Variants in OPHN1 observed in about 807,000 individuals in gnomAD.
OPHN1 encodes the protein oligophrenin-1.
A neutral mutation model predicts 60.7 loss-of-function variants in OPHN1; 11 were observed. The observed-to-expected ratio is 0.18, with a 90% CI of 0.11 to 0.30. The LOEUF (loss-of-function observed/expected upper bound fraction) is 0.30, where lower values mean the gene tolerates loss of function less well. OPHN1 is among the 10% of genes least tolerant of loss of function. The probability of loss-of-function intolerance (pLI) is 1.00; values close to 1 mark genes in which losing one functional copy is unlikely to be tolerated. For synonymous variants in OPHN1, 226 were observed against 222.6 expected, an observed-to-expected ratio of 1.02 and a Z score of -0.14; for missense variants, 449 against 611.0, an observed-to-expected ratio of 0.73 and a Z score of 2.80.
chrX:68,428,234 T>C (rs769549971), intron 2 of OPHN1, among the ~76,000 whole-genome samples: 1 of 111,907 alleles, frequency 8.9e-6, no homozygotes, highest in East Asian at 2.8e-4. Flanking sequence ...GAACTTCAGT[T>C]TCCTCATCTA....
intron 15 of OPHN1, among the ~76,000 whole-genome samples, chrX:68,166,146 C>A (rs1298686858): frequency 1.8e-5 from 2 of 112,085 alleles, no homozygotes; most frequent in East Asian, 5.6e-4. Flanking sequence ...TTGGGTTAGG[C>A]AAAGATTCAT....
At chrX:68,048,860 G>A (rs1220727111) in intron 23 of OPHN1, among the ~76,000 whole-genome samples, 1 of 111,893 alleles carries the variant, frequency 8.9e-6, no homozygotes, top group Non-Finnish European at 1.9e-5. Flanking sequence ...CCAGCCTCTT[G>A]ATGTGCTTGG....
intron 2 of OPHN1, among the ~76,000 whole-genome samples, chrX:68,336,225 T>C (rs2078321536): frequency 9.0e-6 from 1 of 110,615 alleles, no homozygotes; most frequent in Non-Finnish European, 1.9e-5. Flanking sequence ...AATTTTATAA[T>C]TATAAAAGAC....
At chrX:68,157,027 G>C (rs745595970) in intron 15 of OPHN1, among the ~76,000 whole-genome samples, 1 of 112,110 alleles carries the variant, frequency 8.9e-6, no homozygotes, top group Non-Finnish European at 1.9e-5. Flanking sequence ...ATTATGCCTT[G>C]AAAAGATGCC....
chrX:68,119,119 C>T (rs1490128782), intron 16 of OPHN1, 129 bp downstream of exon 16: 1 of 495,877 alleles, frequency 2.0e-6, no homozygotes, highest in African/African-American at 2.4e-5. Flanking sequence ...GCCAGAAATC[C>T]TCTTCACATG....
chrX:68,072,367 C>T (rs926808508), intron 20 of OPHN1, among the ~76,000 whole-genome samples: 2 of 111,624 alleles, frequency 1.8e-5, no homozygotes, highest in Non-Finnish European at 3.8e-5. Context: ...GATCAGAGAA[C>T]AGGACTAAGA....
intron 2 of OPHN1, among the ~76,000 whole-genome samples, chrX:68,307,709 A>T (rs772344359): frequency 1.2e-4 from 13 of 111,155 alleles, no homozygotes; most frequent in African/African-American, 4.2e-4. Context: ...ACATGTATAG[A>T]ACAGGAAAAC....
At chrX:68,158,402 C>G (rs1602198576) in intron 15 of OPHN1, among the ~76,000 whole-genome samples, 1 of 112,035 alleles carries the variant, frequency 8.9e-6, no homozygotes, top group Non-Finnish European at 1.9e-5. Flanking sequence ...TTTGGTTAGA[C>G]TGTTATTATT....
intron 2 of OPHN1, among the ~76,000 whole-genome samples, chrX:68,347,621 A>G (rs895931625): frequency 9.0e-6 from 1 of 111,157 alleles, no homozygotes; most frequent in Admixed American, 9.7e-5. Context: ...CCAAGCTAAC[A>G]CTCACATATT....
rs2076967641 is a variant in OPHN1, at chrX:68,079,768, A to G, written c.1687-6469T>C. Among the ~76,000 whole-genome samples the G allele has an allele frequency of 2.7e-5, 3 of 111,911 alleles. No homozygotes were observed. In the South Asian group the frequency reaches 1.1e-3, roughly 42 times the overall value. Reference sequence around the variant, plus strand: ...TCAAATTCAACATTTCTAGAATTAAACACTTTCGTCCCTTAAAATTTTTTA... The same window carrying G: ...TCAAATTCAACATTTCTAGAATTAAGCACTTTCGTCCCTTAAAATTTTTTA... On this transcript the variant is annotated intron_variant, in intron 19 of 24. Coordinates refer to ENST00000355520, the MANE Select transcript of OPHN1 (RefSeq NM_002547.3).
intron 2 of OPHN1, among the ~76,000 whole-genome samples, chrX:68,383,598 GA>G (rs10591078): frequency 0.08 from 1,795 of 22,367 alleles, 61 homozygotes; most frequent in African/African-American, 0.25. Context: ...CTCCATCCCA[GA>G]AAAAAAAAAA....
chrX:68,262,869 C>CAGGAA (rs1250333776), intron 5 of OPHN1, among the ~76,000 whole-genome samples: 2 of 108,139 alleles, frequency 1.8e-5, no homozygotes, highest in East Asian at 2.9e-4. Context: ...CAGGACAGGA[C>CAGGAA]AGGAAAGGAA....
At chrX:68,182,726 C>A (rs1321195428) in intron 15 of OPHN1, among the ~76,000 whole-genome samples, 11 of 111,499 alleles carry the variant, frequency 9.9e-5, no homozygotes, top group Non-Finnish European at 1.9e-4. Flanking sequence ...GCCTGGCCAG[C>A]ATGGTAAAAC....
intron 15 of OPHN1, among the ~76,000 whole-genome samples, chrX:68,126,887 G>A (rs748470113): frequency 1.8e-5 from 2 of 112,128 alleles, no homozygotes; most frequent in East Asian, 2.8e-4. Context: ...TTCTGAATCC[G>A]TGGCTCACCA....
At chrX:68,136,597 T>C (rs970580226) in intron 15 of OPHN1, among the ~76,000 whole-genome samples, 1 of 111,301 alleles carries the variant, frequency 9.0e-6, no homozygotes, top group Non-Finnish European at 1.9e-5. Context: ...GCCACCGCGC[T>C]TGGCCTAGTG....
chrX:68,047,046 G>T lies in OPHN1; in HGVS notation c.*126C>A, dbSNP rs1309019111. The T allele has an allele frequency of 8.9e-6, 1 of 111,912 alleles. No individual in the cohort carries two copies. The highest frequency in any genetic ancestry group is 2.8e-4 in the East Asian group (1 of 3,553). The allele number at this position is 111,912 out of a possible 1,213,427, so 9.2% of individuals were successfully genotyped here. On this transcript the variant is annotated 3_prime_UTR_variant, in exon 25 of 25. Transcript: ENST00000355520. ...ATGGCCTCCCAGAGAGAGTCTGAAA[G>T]TGCAAGGCTAGGAAGGAGCTGCTCT...
chrX:68,084,925 A>G (rs1366031731), intron 19 of OPHN1, among the ~76,000 whole-genome samples: 1 of 112,274 alleles, frequency 8.9e-6, no homozygotes, highest in Non-Finnish European at 1.9e-5. Context: ...TGTCTTCTCT[A>G]AAATTAAAAT....
At chrX:68,362,493 G>T (rs770958030) in intron 2 of OPHN1, among the ~76,000 whole-genome samples, 4 of 111,697 alleles carry the variant, frequency 3.6e-5, no homozygotes, top group Non-Finnish European at 7.5e-5. Flanking sequence ...CATGAAAATT[G>T]CAAATAAAGT....
At chrX:68,417,444 G>T (rs182415741) in intron 2 of OPHN1, among the ~76,000 whole-genome samples, 82 of 112,002 alleles carry the variant, frequency 7.3e-4, no homozygotes, top group African/African-American at 2.6e-3. Flanking sequence ...TTCTGGAAAG[G>T]AGCAAAAAGC....
Sources: gnomAD v4.1 joint callset for allele counts (sites outside exome capture counted in the v4.1 genomes callset) on GRCh38, gnomAD v4.1.1 for gene constraint, MANE v1.5 for transcripts, NCBI Gene and HGNC (gene_info 2026-07-23, HGNC 2026-07-21) for gene names.